KCNIP4: variants seen among roughly 807,000 people sequenced by gnomAD.
KCNIP4 encodes the protein Kv channel-interacting protein 4.
A neutral mutation model predicts 34.0 loss-of-function variants in KCNIP4; 12 were observed. The ratio of observed to expected loss-of-function variants is 0.35; its 90% confidence interval spans 0.23 to 0.57. KCNIP4 has a LOEUF of 0.57. Among genes scored for constraint, KCNIP4 ranks in the 20% least tolerant of loss-of-function variants. The pLI is 0.83. For synonymous variants in KCNIP4, 124 were observed against 102.2 expected (o/e 1.21, Z -1.29); for missense variants, 238 against 311.7 (o/e 0.76, Z 1.78).
At chr4:21,831,940 A>G (rs955759757) in intron 1 of KCNIP4, among the ~76,000 whole-genome samples, 1 of 152,196 alleles carries the variant, frequency 6.6e-6, no homozygotes, top group African/African-American at 2.4e-5. Flanking sequence ...TGGCACATTA[A>G]AAAGATCATA....
chr4:20,877,885 T>C (rs1724232292), intron 2 of KCNIP4, among the ~76,000 whole-genome samples: 1 of 152,276 alleles, frequency 6.6e-6, no homozygotes, highest in Non-Finnish European at 1.5e-5. Flanking sequence ...TTATAACCTT[T>C]TCAGGCCACA....
chr4:21,270,336 A>G (rs924734520), intron 1 of KCNIP4, among the ~76,000 whole-genome samples: 4 of 152,182 alleles, frequency 2.6e-5, no homozygotes, highest in African/African-American at 9.7e-5. Context: ...AAGGAAAACA[A>G]TTCTGCAGAA....
chr4:21,176,559 C>T (rs976241826), intron 1 of KCNIP4, among the ~76,000 whole-genome samples: 1 of 152,114 alleles, frequency 6.6e-6, no homozygotes, highest in Non-Finnish European at 1.5e-5. Context: ...ACTCTTATTG[C>T]CCAGGCTAGA....
chr4:21,276,349 C>T (rs1762436850), intron 1 of KCNIP4, among the ~76,000 whole-genome samples: 1 of 144,950 alleles, frequency 6.9e-6, no homozygotes, highest in Non-Finnish European at 1.5e-5. Flanking sequence ...TCCTAGTAAA[C>T]TGAGATTTTC....
rs1355358440 is a variant in KCNIP4, at chr4:21,370,901, G to GTA, written c.62-488194_62-488193dup. Among the ~76,000 whole-genome samples the GTA allele has an allele frequency of 5.4e-4, 62 of 115,684 alleles. 1 individual carries two copies. Among genetic ancestry groups the GTA allele is most frequent in the African/African-American group, 2.4e-3 (57 of 24,218 alleles). The allele number at this position is 115,684 out of a possible 152,430, so 75.9% of individuals were successfully genotyped here. A position where few individuals can be genotyped will look rare whatever the true frequency, so the allele number is the denominator to read the frequency against. On this transcript the variant is annotated intron_variant, in intron 1 of 8. Transcript: ENST00000382152. Reference sequence around the variant, plus strand: ...CACACACGTGTGTGTGTGTGTGTGTGTATTAGCAGAACATAGAAAAAGAAA... The same window carrying GTA: ...CACACACGTGTGTGTGTGTGTGTGTGTATATTAGCAGAACATAGAAAAAGAAA...
At chr4:21,457,989 A>T (rs1488226707) in intron 1 of KCNIP4, among the ~76,000 whole-genome samples, 2 of 150,330 alleles carry the variant, frequency 1.3e-5, no homozygotes, top group African/African-American at 2.4e-5. Flanking sequence ...TACTGATGAC[A>T]TGGTAACACT....
chr4:21,246,141 T>C (rs1234357296), intron 1 of KCNIP4, among the ~76,000 whole-genome samples: 1 of 152,096 alleles, frequency 6.6e-6, no homozygotes, highest in Non-Finnish European at 1.5e-5. Context: ...TGGGTCACAG[T>C]CACATTTGCA....
chr4:20,946,088 G>A (rs1442649043), intron 1 of KCNIP4, among the ~76,000 whole-genome samples: 1 of 152,114 alleles, frequency 6.6e-6, no homozygotes, highest in Non-Finnish European at 1.5e-5. Flanking sequence ...TTTGGACACG[G>A]TCATGAACAA....
intron 1 of KCNIP4, among the ~76,000 whole-genome samples, chr4:21,877,818 T>C (rs1322763716): frequency 1.3e-5 from 2 of 152,186 alleles, no homozygotes; most frequent in African/African-American, 4.8e-5. Flanking sequence ...ATCTCTTAGA[T>C]ATTAAATCTT....
At chr4:21,840,122 G>A (rs1723588284) in intron 1 of KCNIP4, among the ~76,000 whole-genome samples, 1 of 151,860 alleles carries the variant, frequency 6.6e-6, no homozygotes. Context: ...ATTATGCACA[G>A]CAGATGTGTA....
At chr4:21,041,350 CA>C (rs1336797685) in intron 1 of KCNIP4, among the ~76,000 whole-genome samples, 1 of 152,080 alleles carries the variant, frequency 6.6e-6, no homozygotes, top group African/African-American at 2.4e-5. Context: ...AAAACTGGCA[CA>C]AGTATTGTGT....
At chr4:21,517,552 T>C (rs914818696) in intron 1 of KCNIP4, among the ~76,000 whole-genome samples, 1 of 152,202 alleles carries the variant, frequency 6.6e-6, no homozygotes, top group African/African-American at 2.4e-5. Context: ...TATGCTCCAA[T>C]GAATCGAGGT....
chr4:20,769,344 C>T (rs959272979), intron 3 of KCNIP4, among the ~76,000 whole-genome samples: 2 of 152,128 alleles, frequency 1.3e-5, no homozygotes, highest in Non-Finnish European at 2.9e-5. Context: ...GAAAAGGCTT[C>T]CTGGGATTGG....
At position 21,750,171 on chromosome 4, in the gene KCNIP4, T is replaced by A. The variant is rs190452808; in HGVS notation, c.61+198400A>T. Among the ~76,000 whole-genome samples the A allele has an allele frequency of 5.3e-5, 8 of 152,240 alleles. No homozygotes were observed. In the East Asian group the frequency reaches 1.5e-3, roughly 29 times the overall value. On this transcript the variant is annotated intron_variant, in intron 1 of 8. Transcript: ENST00000382152. ...CGCTGCCTGCCCATGAATCACTTTGTAGCCACTGGTGATCAGATCTACTGT... is the reference window on the plus strand; with the variant it reads ...CGCTGCCTGCCCATGAATCACTTTGAAGCCACTGGTGATCAGATCTACTGT...
intron 3 of KCNIP4, among the ~76,000 whole-genome samples, chr4:20,787,221 T>C (rs780183574): frequency 1.3e-5 from 2 of 152,198 alleles, no homozygotes; most frequent in Non-Finnish European, 2.9e-5. Flanking sequence ...GCAGTTTTCA[T>C]GTTTCATAGT....
chr4:20,895,638 T>C (rs1264627540), intron 1 of KCNIP4, among the ~76,000 whole-genome samples: 2 of 152,210 alleles, frequency 1.3e-5, no homozygotes, highest in Non-Finnish European at 2.9e-5. Flanking sequence ...AAAGTCTTTA[T>C]TCATTAATTT....
chr4:21,201,168 G>A (rs899567852), intron 1 of KCNIP4, among the ~76,000 whole-genome samples: 1 of 152,210 alleles, frequency 6.6e-6, no homozygotes, highest in Non-Finnish European at 1.5e-5. Flanking sequence ...AGATGCCTAT[G>A]TATCAATGAG....
intron 3 of KCNIP4, among the ~76,000 whole-genome samples, chr4:20,833,028 G>C (rs1718615079): frequency 6.6e-6 from 1 of 152,172 alleles, no homozygotes; most frequent in Non-Finnish European, 1.5e-5. Context: ...ACTATGACTA[G>C]GTCCAGGCTC....
intron 6 of KCNIP4, among the ~76,000 whole-genome samples, chr4:20,733,293 G>A (rs1031909905): frequency 6.6e-6 from 1 of 152,096 alleles, no homozygotes; most frequent in Non-Finnish European, 1.5e-5. Flanking sequence ...AGTCACATGT[G>A]AAGACTAGTC....
Sources: allele counts gnomAD v4.1 joint callset (sites outside exome capture counted in the v4.1 genomes callset), GRCh38; gene constraint gnomAD v4.1.1; transcripts MANE v1.5; gene names NCBI Gene and HGNC (gene_info 2026-07-23, HGNC 2026-07-21).